The following VIT variants were observed in gnomAD, a reference collection of about 807,000 sequenced individuals.
The protein encoded by VIT is vitrin.
VIT carries 99 observed loss-of-function variants against 78.0 expected under a neutral mutation model. The ratio of observed to expected loss-of-function variants is 1.27; its 90% confidence interval spans 1.08 to 1.50. The LOEUF is 1.50. Among genes scored for constraint, VIT ranks in the 40% most tolerant of loss-of-function variants. The pLI is 0.00. For synonymous variants in VIT, 374 were observed against 334.3 expected, an observed-to-expected ratio of 1.12 and a Z score of -1.29; for missense variants, 1,126 against 875.3, an observed-to-expected ratio of 1.29 and a Z score of -3.61.
chr2:36,705,568 G>A (rs1366707156), intron 1 of VIT, among the ~76,000 whole-genome samples: 1 of 152,110 alleles, frequency 6.6e-6, no homozygotes, highest in Non-Finnish European at 1.5e-5. Context: ...GAACCTAATG[G>A]CACGGGCATA....
intron 12 of VIT, among the ~76,000 whole-genome samples, chr2:36,791,328 G>T (rs74484729): frequency 6.6e-6 from 1 of 152,292 alleles, no homozygotes; most frequent in Admixed American, 6.5e-5. Flanking sequence ...TCCATAGGTC[G>T]GCTGAGCCAC....
intron 9 of VIT, among the ~76,000 whole-genome samples, chr2:36,778,916 G>A (rs1408854303): frequency 5.9e-5 from 9 of 152,194 alleles, no homozygotes; most frequent in African/African-American, 1.9e-4. Flanking sequence ...GAAGAAACGA[G>A]GGAGCTGAAG....
intron 3 of VIT, among the ~76,000 whole-genome samples, chr2:36,739,388 T>C (rs1346761253): frequency 6.6e-6 from 1 of 152,204 alleles, no homozygotes; most frequent in Non-Finnish European, 1.5e-5. Context: ...ATCACTGTTA[T>C]TAGCCTAGGC....
intron 2 of VIT, among the ~76,000 whole-genome samples, chr2:36,727,340 G>T: frequency 6.6e-6 from 1 of 152,206 alleles, no homozygotes; most frequent in East Asian, 1.9e-4. Flanking sequence ...TAGCGTGCAC[G>T]CACATAGATG....
rs1667422676 is a variant in VIT, at chr2:36,814,459, G to T, written c.*98G>T. 1 of 1,410,060 alleles carries T rather than the reference G, an allele frequency of 7.1e-7. No homozygotes were observed. The highest frequency in any genetic ancestry group is 1.4e-5 in the South Asian group (1 of 70,696). 87.3% of individuals were successfully genotyped at this position (1,410,060 alleles called of 1,614,324 possible). On this transcript the variant is annotated 3_prime_UTR_variant, in exon 16 of 16. Transcript: ENST00000379242. ...GGGCACGCACGGTGCATCAAGTCTT[G>T]GGCAGGGCATGGAGAAACAAATGTC...
chr2:36,798,175 A>G (rs949653879), intron 12 of VIT, among the ~76,000 whole-genome samples: 1 of 152,300 alleles, frequency 6.6e-6, no homozygotes, highest in East Asian at 1.9e-4. Flanking sequence ...AAGTTTAGCA[A>G]TGGGAATTTC....
At chr2:36,720,345 T>C (rs1666425106) in intron 2 of VIT, among the ~76,000 whole-genome samples, 1 of 152,178 alleles carries the variant, frequency 6.6e-6, no homozygotes, top group African/African-American at 2.4e-5. Flanking sequence ...CACACATTTA[T>C]AGTTAACTGA....
chr2:36,741,901 T>G (rs1307315172), intron 3 of VIT, among the ~76,000 whole-genome samples: 1 of 152,176 alleles, frequency 6.6e-6, no homozygotes, highest in African/African-American at 2.4e-5. Context: ...GTTCTTTAAG[T>G]TCTAGCTCAC....
intron 4 of VIT, among the ~76,000 whole-genome samples, chr2:36,751,730 G>C (rs1324816512): frequency 1.3e-5 from 2 of 152,110 alleles, no homozygotes; most frequent in African/African-American, 2.4e-5. Context: ...AGCTTGATTC[G>C]CTTGTTTTGC....
chr2:36,740,251 G>A (rs1334914717), intron 3 of VIT, among the ~76,000 whole-genome samples: 1 of 152,198 alleles, frequency 6.6e-6, no homozygotes, highest in Non-Finnish European at 1.5e-5. Flanking sequence ...CAGAGGAAAG[G>A]CCAACATCCG....
intron 2 of VIT, among the ~76,000 whole-genome samples, chr2:36,724,377 G>A (rs1666708626): frequency 6.6e-6 from 1 of 152,176 alleles, no homozygotes. Flanking sequence ...CCAGGGACTG[G>A]CTCTCAGACC....
At chr2:36,760,155 C>T (rs890501815) in intron 6 of VIT, among the ~76,000 whole-genome samples, 1 of 152,026 alleles carries the variant, frequency 6.6e-6, no homozygotes, top group Non-Finnish European at 1.5e-5. Flanking sequence ...CCACCACGCC[C>T]GGCTAATAGT....
At chr2:36,758,944 C>T (rs1287247973) in intron 5 of VIT, 25 bp from the exon 6 acceptor site, 10 of 1,539,042 alleles carry the variant, frequency 6.5e-6, no homozygotes, top group African/African-American at 1.4e-5. Context: ...AAATAAATCT[C>T]GTTTTTTTTT....
chr2:36,741,555 C>T (rs1350997152), intron 3 of VIT, among the ~76,000 whole-genome samples: 1 of 152,136 alleles, frequency 6.6e-6, no homozygotes, highest in African/African-American at 2.4e-5. Context: ...CAATTCTCCT[C>T]ATTCAGGTAC....
chr2:36,814,722 C>T lies in VIT; in HGVS notation c.*361C>T, dbSNP rs1327534274. On this transcript the variant is annotated 3_prime_UTR_variant, in exon 16 of 16. Coordinates refer to ENST00000379242, the MANE Select transcript of VIT (RefSeq NM_053276.4). ...TTATTTCTGATTAGAACTCTGTAAC[C>T]CTCAGCAAGTTTCATTTTTGTCATG... 1 of 173,894 alleles carries T rather than the reference C, an allele frequency of 5.8e-6. No homozygotes were observed. 10.8% of individuals were successfully genotyped at this position (173,894 alleles called of 1,614,324 possible).
At chr2:36,775,220 C>T (rs893909271) in intron 9 of VIT, among the ~76,000 whole-genome samples, 153 bp downstream of exon 9, 5 of 152,170 alleles carry the variant, frequency 3.3e-5, no homozygotes, top group Admixed American at 2.6e-4. Context: ...ATTTTAACCT[C>T]GAGAAAATGT....
intron 3 of VIT, among the ~76,000 whole-genome samples, chr2:36,732,689 G>C (rs888156439): frequency 6.6e-6 from 1 of 152,132 alleles, no homozygotes; most frequent in Admixed American, 6.6e-5. Flanking sequence ...ACCCAGACTC[G>C]ATCTATGCCC....
Position 36,708,091 on chromosome 2 carries a change from C to G in VIT, c.-18-8262C>G, listed in dbSNP as rs144813845. Among the ~76,000 whole-genome samples, 197 of 151,516 alleles carry G rather than the reference C, an allele frequency of 1.3e-3. 1 individual carries two copies. In the East Asian group the frequency reaches 0.031, roughly 24 times the overall value. The stretch of plus-strand genomic sequence containing the variant: ...AGGTTTATGTACAGATAGAGGCCAC[C>G]ACCACATTGTAAAGGACCTCCCCCC... On this transcript the variant is annotated intron_variant, in intron 1 of 15. Transcript: ENST00000379242.
chr2:36,807,965 C>A (rs1036097195), intron 14 of VIT, among the ~76,000 whole-genome samples: 1 of 152,126 alleles, frequency 6.6e-6, no homozygotes, highest in Non-Finnish European at 1.5e-5. Flanking sequence ...CTGATGGGAC[C>A]CCTAACATGT....
Sources: allele counts gnomAD v4.1 joint callset (sites outside exome capture counted in the v4.1 genomes callset), GRCh38; gene constraint gnomAD v4.1.1; transcripts MANE v1.5; gene names NCBI Gene and HGNC (gene_info 2026-07-23, HGNC 2026-07-21).